Variants in ZKSCAN8 observed in about 807,000 individuals in gnomAD.
The protein encoded by ZKSCAN8 is zinc finger protein with KRAB and SCAN domains 8.
Under a neutral mutation model 57.2 loss-of-function variants are expected in ZKSCAN8, and 27 were observed. The observed-to-expected ratio is 0.47, with a 90% CI of 0.35 to 0.65. The LOEUF (loss-of-function observed/expected upper bound fraction) is 0.65, where lower values mean the gene tolerates loss of function less well. ZKSCAN8 is among the 30% of genes least tolerant of loss of function. The probability of loss-of-function intolerance (pLI) is 0.01; values close to 1 mark genes in which losing one functional copy is unlikely to be tolerated. For missense variants in ZKSCAN8, 597 were observed against 696.3 expected, an observed-to-expected ratio of 0.86 and a Z score of 1.60; for synonymous variants, 214 against 248.7, an observed-to-expected ratio of 0.86 and a Z score of 1.31.
At position 28,158,880 on chromosome 6, in the gene ZKSCAN8, T is replaced by C. The variant is rs1765870938; in HGVS notation, c.*4863T>C. On this transcript the variant is annotated 3_prime_UTR_variant, in exon 6 of 6. Coordinates refer to ENST00000330236, the MANE Select transcript of ZKSCAN8 (RefSeq NM_006298.4). ...CAAACACCCATTTTTACAATATCTCTATTGTAAAATTTCATTTTCACTAAG... is the reference window on the plus strand; with the variant it reads ...CAAACACCCATTTTTACAATATCTCCATTGTAAAATTTCATTTTCACTAAG... 1 of 152,200 alleles carries C rather than the reference T, an allele frequency of 6.6e-6. No homozygotes were observed. Among genetic ancestry groups the C allele is most frequent in the Non-Finnish European group, 1.5e-5 (1 of 68,046 alleles). The allele number at this position is 152,200 out of a possible 1,614,324, so 9.4% of individuals were successfully genotyped here. A position where few individuals can be genotyped will look rare whatever the true frequency, so the allele number is the denominator to read the frequency against.
Position 28,148,354 on chromosome 6 carries a change from T to G in ZKSCAN8, c.-54T>G. 1.9e-6 allele frequency: 3 copies of G among 1,541,132 alleles called. No homozygotes were observed. Among genetic ancestry groups the G allele is most frequent in the Non-Finnish European group, 2.6e-6 (3 of 1,139,480 alleles). ...AAGAGGCCCTCAGAAGAGTCTTCTCTTAAGAAGATAAAGAAGGTAGTGGAA... is the reference window on the plus strand; with the variant it reads ...AAGAGGCCCTCAGAAGAGTCTTCTCGTAAGAAGATAAAGAAGGTAGTGGAA... On this transcript the variant is annotated 5_prime_UTR_variant, in exon 2 of 6. Transcript: ENST00000330236.
In ZKSCAN8 at chr6:28,144,212, GT is replaced by G. The variant is rs1390777512; in HGVS notation, c.-93+2188del. 3.3e-5 allele frequency: 5 copies of G among 152,220 alleles called. No individual in the cohort carries two copies. The highest frequency in any genetic ancestry group is 9.6e-5 in the African/African-American group (4 of 41,532). The allele number at this position is 152,220 out of a possible 1,614,324, so 9.4% of individuals were successfully genotyped here. The stretch of plus-strand genomic sequence containing the variant: ...GTAGGATTTGTTTGTATGTTTGTTT[GT>G]TTTTAACCTTCCTGGCATTCTTGGA... On this transcript the variant is annotated intron_variant, in intron 1 of 5. Coordinates refer to ENST00000330236, the MANE Select transcript of ZKSCAN8 (RefSeq NM_006298.4). The surrounding 1 kb of genome is among the most constrained non-coding windows in gnomAD (Gnocchi z 4.5).
chr6:28,155,996 AG>A lies in ZKSCAN8; in HGVS notation c.*1980del. ...TAGTTTCTTTGTACTTGAAATTTTA[AG>A]AAACCAGAAACAAGTAAATCTGGTT... is the stretch of plus-strand genomic sequence containing the variant. On this transcript the variant is annotated 3_prime_UTR_variant, in exon 6 of 6. Coordinates refer to ENST00000330236, the MANE Select transcript of ZKSCAN8 (RefSeq NM_006298.4). 2.5e-6 allele frequency: 1 copy of A among 396,408 alleles called. No individual in the cohort carries two copies. Among genetic ancestry groups the A allele is most frequent in the Non-Finnish European group, 4.4e-6 (1 of 224,972 alleles). 24.6% of individuals were successfully genotyped at this position (396,408 alleles called of 1,614,324 possible). A position where few individuals can be genotyped will look rare whatever the true frequency, so the allele number is the denominator to read the frequency against.
intron 1 of ZKSCAN8, among the ~76,000 whole-genome samples, chr6:28,146,913 A>C (rs1293272915): frequency 6.6e-6 from 1 of 152,150 alleles, no homozygotes; most frequent in African/African-American, 2.4e-5. Context: ...ATTCTATATA[A>C]AAATTAACTC....
chr6:28,149,346 G>A, intron 2 of ZKSCAN8, 137 bp from the exon 3 acceptor site: 2 of 1,141,776 alleles, frequency 1.8e-6, no homozygotes, highest in East Asian at 2.4e-5. Flanking sequence ...GTTCCTTACT[G>A]TCCCTAAGAA....
rs1765482137 is a variant in ZKSCAN8 at position 28,148,549 on chromosome 6, G to C, written c.142G>C (p.Glu48Gln). 8 of 1,614,050 alleles carry C rather than the reference G, an allele frequency of 5.0e-6. No individual in the cohort carries two copies. The highest frequency in any genetic ancestry group is 5.9e-6 in the Non-Finnish European group (7 of 1,180,044). Reference protein sequence around the residue: ...SLHESNPLGQEVFRLRFRQLR... With the variant: ...SLHESNPLGQQVFRLRFRQLR... ...GCATGAAAGTAACCCTCTTGGCCAA[G>C]AAGTGTTCCGCCTGCGCTTCAGGCA... The change falls in exon 2 of 6, where the codon GAA becomes CAA. Residue 48 changes from glutamate to glutamine, a missense_variant. Physicochemically the swap from Glu to Gln is conservative, Grantham distance 29 (BLOSUM62 2). Transcript: ENST00000330236.
intron 1 of ZKSCAN8, among the ~76,000 whole-genome samples, chr6:28,147,734 A>G (rs1168964868): frequency 6.6e-6 from 1 of 152,172 alleles, no homozygotes; most frequent in Admixed American, 6.5e-5. Flanking sequence ...AGTGCTCCAT[A>G]GAGAGTTTCT....
Position 28,149,525 on chromosome 6 carries a change from G to A in ZKSCAN8, c.460G>A (p.Val154Ile). ...TGGACATAGGGTACTCTGGGAGGAGGTAGTACATTCAGCATCTGCACCAGA... is the reference window on the plus strand; with the variant it reads ...TGGACATAGGGTACTCTGGGAGGAGATAGTACATTCAGCATCTGCACCAGA... ...VHGHRVLWEE[V>I]VHSASAPEPP... Residue 154 changes from valine (V) to isoleucine (I), a missense_variant, in exon 3 of 6, where the codon GTA becomes ATA. Coordinates refer to ENST00000330236, the MANE Select transcript of ZKSCAN8 (RefSeq NM_006298.4). 2 of 1,614,102 alleles carry A rather than the reference G, an allele frequency of 1.2e-6. No individual in the cohort carries two copies. Among genetic ancestry groups the A allele is most frequent in the Admixed American group, 1.7e-5 (1 of 60,004 alleles).
rs114531856 is a variant in ZKSCAN8 at position 28,142,627 on chromosome 6, C to T, written c.-93+598C>T. 1.1e-3 allele frequency among the ~76,000 whole-genome samples: 167 copies of T among 151,924 alleles called. 1 individual carries two copies. The highest frequency in any genetic ancestry group is 3.8e-3 in the African/African-American group (158 of 41,390). ...CAAACTGAAGTTAGCCAACGAGGAA[C>T]TCTGGGAGGGCCCCATTTCCAAAAC... On this transcript the variant is annotated intron_variant, in intron 1 of 5. Transcript: ENST00000330236.
At position 28,154,059 on chromosome 6, in the gene ZKSCAN8, G is replaced by A; in HGVS notation, c.*42G>A. The A allele has an allele frequency of 6.5e-7, 1 of 1,532,840 alleles. No individual in the cohort carries two copies. The highest frequency in any genetic ancestry group is 8.7e-7 in the Non-Finnish European group (1 of 1,146,900). 95.0% of individuals were successfully genotyped at this position (1,532,840 alleles called of 1,614,324 possible). A position where few individuals can be genotyped will look rare whatever the true frequency, so the allele number is the denominator to read the frequency against. On this transcript the variant is annotated 3_prime_UTR_variant, in exon 6 of 6. Transcript: ENST00000330236. The stretch of plus-strand genomic sequence containing the variant: ...AGTTTGAGCATTATTCAGCATTAGG[G>A]AAACCACACACTGGTGAGAGGTCTT...
chr6:28,151,015 A>G (rs1393796188), intron 3 of ZKSCAN8, among the ~76,000 whole-genome samples: 1 of 152,158 alleles, frequency 6.6e-6, no homozygotes, highest in African/African-American at 2.4e-5. Context: ...TGTGTTGGCC[A>G]GGCTGGTCTC....
At chr6:28,150,641 T>C (rs1328472553) in intron 3 of ZKSCAN8, among the ~76,000 whole-genome samples, 7 of 152,184 alleles carry the variant, frequency 4.6e-5, no homozygotes, top group African/African-American at 1.7e-4. Context: ...GACTTAGTGA[T>C]TACTAGAATG....
chr6:28,145,701 A>G (rs118092511), intron 1 of ZKSCAN8, among the ~76,000 whole-genome samples: 1 of 151,776 alleles, frequency 6.6e-6, no homozygotes, highest in Admixed American at 6.6e-5. Context: ...CAGCTGCACA[A>G]CTCCATCTCT....
chr6:28,146,815 A>G (rs2113579703), intron 1 of ZKSCAN8, among the ~76,000 whole-genome samples: 1 of 152,322 alleles, frequency 6.6e-6, no homozygotes, highest in South Asian at 2.1e-4. Flanking sequence ...ATATACATAC[A>G]TATAGTGAAC....
chr6:28,158,857 A>G lies in ZKSCAN8; in HGVS notation c.*4840A>G, dbSNP rs950471953. 6.6e-6 allele frequency: 1 copy of G among 152,082 alleles called. No homozygotes were observed. Among genetic ancestry groups the G allele is most frequent in the African/African-American group, 2.4e-5 (1 of 41,380 alleles). 9.4% of individuals were successfully genotyped at this position (152,082 alleles called of 1,614,324 possible). ...AATTTTTCAAAGACGATCCTCCTCA[A>G]ACACCCATTTTTACAATATCTCTAT... On this transcript the variant is annotated 3_prime_UTR_variant, in exon 6 of 6. Coordinates refer to ENST00000330236, the MANE Select transcript of ZKSCAN8 (RefSeq NM_006298.4).
rs1765833944 is a variant in ZKSCAN8, at chr6:28,157,844, A to G, written c.*3827A>G. On this transcript the variant is annotated 3_prime_UTR_variant, in exon 6 of 6. Coordinates refer to ENST00000330236, the MANE Select transcript of ZKSCAN8 (RefSeq NM_006298.4). ...GTAGAATTGTGGAGGGAAATGAAAT[A>G]TCCATGTACCAGGCCAGGCAGATGG... 6.6e-6 allele frequency: 1 copy of G among 152,186 alleles called. No homozygotes were observed. Among genetic ancestry groups the G allele is most frequent in the South Asian group, 2.1e-4 (1 of 4,824 alleles). 9.4% of individuals were successfully genotyped at this position (152,186 alleles called of 1,614,324 possible). A position where few individuals can be genotyped will look rare whatever the true frequency, so the allele number is the denominator to read the frequency against.
At chr6:28,150,252 TG>T (rs2113588635) in intron 3 of ZKSCAN8, among the ~76,000 whole-genome samples, 2 of 152,286 alleles carry the variant, frequency 1.3e-5, no homozygotes, top group African/African-American at 4.8e-5. Flanking sequence ...TCTTTTTTTT[TG>T]AAGAGTACAG....
chr6:28,142,863 CAA>C (rs1401074846), intron 1 of ZKSCAN8, among the ~76,000 whole-genome samples: 1 of 152,152 alleles, frequency 6.6e-6, no homozygotes, highest in Non-Finnish European at 1.5e-5. Context: ...TTTGAGATAA[CAA>C]AGCATAGTAT....
In ZKSCAN8 at chr6:28,144,929, C is replaced by T. The variant is rs558244904; in HGVS notation, c.-93+2900C>T. Among the ~76,000 whole-genome samples, 4 of 152,200 alleles carry T rather than the reference C, an allele frequency of 2.6e-5. No homozygotes were observed. Among genetic ancestry groups the T allele is most frequent in the Admixed American group, 2.0e-4 (3 of 15,282 alleles). On this transcript the variant is annotated intron_variant, in intron 1 of 5. Transcript: ENST00000330236. This position sits in a 1 kb window ranked among gnomAD's most constrained non-coding sequence, Gnocchi z 4.5. The stretch of plus-strand genomic sequence containing the variant: ...AAAATTAGCCGGGTGTGGTGGAGGG[C>T]GCCTGTAGTCCCAGCTACTCGGGAG...
Sources: gnomAD v4.1 joint callset for allele counts (sites outside exome capture counted in the v4.1 genomes callset) on GRCh38, gnomAD v4.1.1 for gene constraint, Gnocchi (gnomAD v3.1) non-coding constraint, MANE v1.5 for transcripts, NCBI Gene and HGNC (gene_info 2026-07-23, HGNC 2026-07-21) for gene names.